PTPRG: variants seen among roughly 807,000 people sequenced by gnomAD.
PTPRG encodes the protein protein tyrosine phosphatase receptor type G, also known as receptor-type tyrosine-protein phosphatase gamma.
In PTPRG, 102 loss-of-function variants were observed where a neutral mutation model predicts 165.3. The observed-to-expected ratio is 0.62, with a 90% CI of 0.53 to 0.73. PTPRG has a LOEUF of 0.73. PTPRG is among the 30% of genes least tolerant of loss of function. The pLI is 0.00. For synonymous variants in PTPRG, 675 were observed against 669.5 expected, an observed-to-expected ratio of 1.01 and a Z score of -0.13; for missense variants, 1,866 against 1,861.4, an observed-to-expected ratio of 1.00 and a Z score of -0.05.
intron 1 of PTPRG, among the ~76,000 whole-genome samples, chr3:61,699,110 T>C (rs2030794117): frequency 6.6e-6 from 1 of 152,130 alleles, no homozygotes; most frequent in Admixed American, 6.5e-5. Flanking sequence ...ACATGGCACA[T>C]GTATACATAT....
chr3:61,880,622 C>CCA (rs2037860639), intron 2 of PTPRG, among the ~76,000 whole-genome samples: 1 of 80,238 alleles, frequency 1.2e-5, no homozygotes, highest in Non-Finnish European at 2.5e-5. Flanking sequence ...AACCCTGTCT[C>CCA]AAAAAAAAAA....
At position 62,167,822 on chromosome 3, in the gene PTPRG, C is replaced by A. The variant is rs979782397; in HGVS notation, c.841-149C>A. The A allele has an allele frequency of 2.5e-5, 18 of 733,274 alleles. No homozygotes were observed. The African/African-American group carries it at 3.2e-4, about 13-fold the overall frequency. The allele number at this position is 733,274 out of a possible 1,614,324, so 45.4% of individuals were successfully genotyped here. A position where few individuals can be genotyped will look rare whatever the true frequency, so the allele number is the denominator to read the frequency against. On this transcript the variant is annotated intron_variant, in intron 7 of 29. Transcript: ENST00000474889. Reference sequence around the variant, plus strand: ...TTCCAGCAGGCAGCCTCAGGTCCTGCTGGGTTTAGCAGCCCTGGCATTGGG... The same window carrying A: ...TTCCAGCAGGCAGCCTCAGGTCCTGATGGGTTTAGCAGCCCTGGCATTGGG...
intron 1 of PTPRG, among the ~76,000 whole-genome samples, chr3:61,679,333 G>C (rs879674540): frequency 6.6e-6 from 1 of 152,192 alleles, no homozygotes; most frequent in African/African-American, 2.4e-5. Context: ...CTAGGGTTTT[G>C]AGAAGTTGCT....
Position 62,282,722 on chromosome 3 carries a change from T to A in PTPRG, c.3913-5T>A. The stretch of plus-strand genomic sequence containing the variant: ...GGGATTTGACCCATGTTGTATTGGT[T>A]ACAGGATGACTATGTCTTAGAAGTT... On this transcript the variant is annotated splice_region_variant and splice_polypyrimidine_tract_variant and intron_variant, in intron 27 of 29. Transcript: ENST00000474889. 6.2e-7 allele frequency: 1 copy of A among 1,608,652 alleles called. No individual in the cohort carries two copies. The highest frequency in any genetic ancestry group is 8.5e-7 in the Non-Finnish European group (1 of 1,178,084).
chr3:62,159,971 TC>T (rs1172553058), intron 7 of PTPRG, among the ~76,000 whole-genome samples: 1 of 152,184 alleles, frequency 6.6e-6, no homozygotes, highest in Non-Finnish European at 1.5e-5. Context: ...CTGCCAACAT[TC>T]TTTCTGAAGT....
chr3:61,804,857 C>G (rs2035364910), intron 2 of PTPRG, among the ~76,000 whole-genome samples: 1 of 152,168 alleles, frequency 6.6e-6, no homozygotes, highest in South Asian at 2.1e-4. Context: ...AGGATTTTTC[C>G]CCTTCCTGAT....
chr3:61,691,077 T>C (rs1361612696), intron 1 of PTPRG, among the ~76,000 whole-genome samples: 2 of 151,580 alleles, frequency 1.3e-5, no homozygotes, highest in African/African-American at 4.8e-5. Flanking sequence ...TCTATGTATA[T>C]ATGACATGGA....
intron 12 of PTPRG, among the ~76,000 whole-genome samples, chr3:62,205,228 C>T (rs930312851): frequency 1.3e-5 from 2 of 151,932 alleles, no homozygotes; most frequent in East Asian, 1.9e-4. Context: ...GCAGAGTAGC[C>T]TTTTGTGGAA....
At chr3:61,788,153 G>GT (rs1252254211) in intron 2 of PTPRG, among the ~76,000 whole-genome samples, 2 of 152,092 alleles carry the variant, frequency 1.3e-5, no homozygotes, top group Non-Finnish European at 2.9e-5. Context: ...GTTGAGACTG[G>GT]TTTTCAGCAT....
chr3:62,093,325 T>G (rs1702004972), intron 5 of PTPRG, among the ~76,000 whole-genome samples: 1 of 152,204 alleles, frequency 6.6e-6, no homozygotes, highest in South Asian at 2.1e-4. Flanking sequence ...CTGAGGTTCA[T>G]GATCCTCCCG....
At chr3:62,119,173 G>T (rs779949407) in intron 5 of PTPRG, among the ~76,000 whole-genome samples, 21 of 152,200 alleles carry the variant, frequency 1.4e-4, no homozygotes, top group Non-Finnish European at 2.9e-4. Context: ...TTACAGGTGG[G>T]TGTGAGCATT....
intron 1 of PTPRG, among the ~76,000 whole-genome samples, chr3:61,663,559 TG>T (rs987793666): frequency 9.9e-5 from 15 of 151,902 alleles, no homozygotes; most frequent in African/African-American, 3.4e-4. Context: ...GACCGGGGGT[TG>T]GGGGGATGGT....
rs9870460 is a variant in PTPRG, at chr3:62,203,711, A to G, written c.1916A>G (p.Gln639Arg). The part of the protein sequence containing the change: ...SPNRTAEGGH[Q>R]TIPGHEQDHT... ...AACAGGACTGCCGAGGGAGGGCATC[A>G]GACTATACCTGGGCATGAGCAGGAT... Residue 639 changes from glutamine to arginine, a missense_variant, in exon 12 of 30, where the codon CAG becomes CGG. Physicochemically the swap from Gln to Arg is conservative, Grantham distance 43 (BLOSUM62 1). Transcript: ENST00000474889. The surrounding 1 kb of genome is among the most constrained non-coding windows in gnomAD (Gnocchi z 6.4). 5,816 of 1,584,336 alleles carry G rather than the reference A, an allele frequency of 3.7e-3. 198 individuals carry two copies. In the African/African-American group the frequency reaches 0.071, roughly 19 times the overall value.
rs753303460 is a variant in PTPRG, at chr3:62,282,888, A to G, written c.4055+19A>G. On this transcript the variant is annotated intron_variant, in intron 28 of 29. Coordinates refer to ENST00000474889, the MANE Select transcript of PTPRG (RefSeq NM_002841.4). ...ATGATGAGTATGTATCTGTTTCTTA[A>G]TTTTAAAATGTAGACCGTTTTTTTG... The G allele has an allele frequency of 1.0e-5, 16 of 1,578,978 alleles. No homozygotes were observed. The highest frequency in any genetic ancestry group is 1.4e-5 in the Non-Finnish European group (16 of 1,165,176).
At chr3:62,183,818 T>TG (rs1434487983) in intron 8 of PTPRG, among the ~76,000 whole-genome samples, 1 of 152,102 alleles carries the variant, frequency 6.6e-6, no homozygotes, top group Non-Finnish European at 1.5e-5. Flanking sequence ...GGAGTGGGGA[T>TG]GGGGAAGGAT....
At chr3:62,062,955 A>G (rs17768204) in intron 4 of PTPRG, among the ~76,000 whole-genome samples, 12,509 of 152,256 alleles carry the variant, frequency 0.082, 562 homozygotes, top group South Asian at 0.1. Context: ...TGCCCAGCCA[A>G]TTTTGTGGCA....
At chr3:61,802,881 C>T (rs959441356) in intron 2 of PTPRG, among the ~76,000 whole-genome samples, 11 of 152,150 alleles carry the variant, frequency 7.2e-5, no homozygotes, top group South Asian at 2.1e-4. Flanking sequence ...GCAAAACCCA[C>T]GCTGGATGCA....
chr3:62,166,412 C>G (rs1268451265), intron 7 of PTPRG, among the ~76,000 whole-genome samples: 1 of 151,444 alleles, frequency 6.6e-6, no homozygotes, highest in Non-Finnish European at 1.5e-5. Context: ...TCTCGGTGCA[C>G]TGCAGCCTCC....
rs1417512670 is a variant in PTPRG at position 62,195,608 on chromosome 3, G to C, written c.1327+438G>C. Among the ~76,000 whole-genome samples, 1 of 152,050 alleles carries C rather than the reference G, an allele frequency of 6.6e-6. No homozygotes were observed. Among genetic ancestry groups the C allele is most frequent in the African/African-American group, 2.4e-5 (1 of 41,420 alleles). ...CGACTTGCAAGCCACACAAACAAGCGCCTGCATGCAGGATCCTTGAGATTC... is the reference window on the plus strand; with the variant it reads ...CGACTTGCAAGCCACACAAACAAGCCCCTGCATGCAGGATCCTTGAGATTC... On this transcript the variant is annotated intron_variant, in intron 10 of 29. Coordinates refer to ENST00000474889, the MANE Select transcript of PTPRG (RefSeq NM_002841.4). The surrounding 1 kb of genome is among the most constrained non-coding windows in gnomAD (Gnocchi z 4.4).
Sources: allele counts gnomAD v4.1 joint callset (sites outside exome capture counted in the v4.1 genomes callset), GRCh38; gene constraint gnomAD v4.1.1; non-coding constraint Gnocchi (gnomAD v3.1); transcripts MANE v1.5; gene names NCBI Gene and HGNC (gene_info 2026-07-23, HGNC 2026-07-21).